Variants in CFAP44 observed in about 807,000 individuals in gnomAD.
The protein encoded by CFAP44 is cilia and flagella associated protein 44.
A neutral mutation model predicts 216.2 loss-of-function variants in CFAP44; 134 were observed. The observed-to-expected ratio is 0.62, with a 90% confidence interval of 0.54 to 0.72. CFAP44 has a LOEUF of 0.72. Ranked by LOEUF, CFAP44 falls within the 30% of genes least tolerant of loss-of-function variation. CFAP44 has a pLI of 0.00. For synonymous variants in CFAP44, 700 were observed against 727.6 expected (o/e 0.96, Z 0.61); for missense variants, 2,035 against 2,182.1 (o/e 0.93, Z 1.34).
chr3:113,332,347 T>C (rs751959447), intron 25 of CFAP44, among the ~76,000 whole-genome samples: 3 of 152,218 alleles, frequency 2.0e-5, no homozygotes, highest in Non-Finnish European at 1.5e-5. Context: ...GATTTGTGAA[T>C]ATGAATTGCC....
intron 17 of CFAP44, among the ~76,000 whole-genome samples, chr3:113,377,525 A>C (rs566852009): frequency 2.0e-5 from 3 of 152,338 alleles, no homozygotes; most frequent in South Asian, 2.1e-4. Flanking sequence ...TGCAAAAAAA[A>C]CCAGCACTTA....
At chr3:113,361,750 G>A (rs186840655) in intron 21 of CFAP44, among the ~76,000 whole-genome samples, 5 of 151,736 alleles carry the variant, frequency 3.3e-5, no homozygotes, top group East Asian at 3.9e-4. Context: ...CGCCCGCCTC[G>A]GCCTCCCAAA....
chr3:113,334,948 C>T lies in CFAP44; in HGVS notation c.3438-1365G>A, dbSNP rs1018021949. Among the ~76,000 whole-genome samples, 8 of 152,082 alleles carry T rather than the reference C, an allele frequency of 5.3e-5. No individual in the cohort carries two copies. In the South Asian group the frequency reaches 1.0e-3, roughly 20 times the overall value. ...TGTACACATAGCTCTCACAGGAAAC[C>T]CATACCATCTATTGTATTAACTGAT... On this transcript the variant is annotated intron_variant, in intron 24 of 34. Coordinates refer to ENST00000393845, the MANE Select transcript of CFAP44 (RefSeq NM_001164496.2).
At position 113,289,418 on chromosome 3, in the gene CFAP44, A is replaced by G. The variant is rs1206965733; in HGVS notation, c.*2139T>C. ...AGACTGTAGGTCCATTCTTGCTGCAATCAGAATCAGAATCTCAGAATGGGA... is the reference window on the plus strand; with the variant it reads ...AGACTGTAGGTCCATTCTTGCTGCAGTCAGAATCAGAATCTCAGAATGGGA... On this transcript the variant is annotated 3_prime_UTR_variant, in exon 35 of 35. Coordinates refer to ENST00000393845, the MANE Select transcript of CFAP44 (RefSeq NM_001164496.2). 2 of 152,194 alleles carry G rather than the reference A, an allele frequency of 1.3e-5. No homozygotes were observed. Among genetic ancestry groups the G allele is most frequent in the Non-Finnish European group, 2.9e-5 (2 of 68,034 alleles). The allele number at this position is 152,194 out of a possible 1,614,324, so 9.4% of individuals were successfully genotyped here.
chr3:113,332,603 C>T (rs1230920344), intron 25 of CFAP44, among the ~76,000 whole-genome samples: 2 of 152,012 alleles, frequency 1.3e-5, no homozygotes, highest in South Asian at 2.1e-4. Context: ...GACCTTTAAG[C>T]CTTTAAGTAT....
intron 3 of CFAP44, 65 bp from the exon 4 acceptor site, chr3:113,426,342 CTTGAA>C: frequency 6.5e-7 from 1 of 1,548,762 alleles, no homozygotes; most frequent in Non-Finnish European, 8.8e-7. Context: ...CAAATCTCAA[CTTGAA>C]TTGTAGTTCC....
Position 113,401,686 on chromosome 3 carries a change from CA to C in CFAP44, c.1223del (p.Leu408CysfsTer12). On this transcript the variant is annotated frameshift_variant, in exon 10 of 35. Coordinates refer to ENST00000393845, the MANE Select transcript of CFAP44 (RefSeq NM_001164496.2). LOFTEE classifies it high-confidence loss of function. ...GTTCATTAATAGGCTCAATCTCCAA[CA>C]ATCCAGTCTCATCTATTACATCAGC... ...DTADVIDETG[L>X]LEIEPINELQ... is the part of the protein sequence containing the mutation. 1 of 1,613,564 alleles carries C rather than the reference CA, an allele frequency of 6.2e-7. No individual in the cohort carries two copies.
At chr3:113,312,012 C>T (rs1346312624) in intron 28 of CFAP44, among the ~76,000 whole-genome samples, 1 of 151,322 alleles carries the variant, frequency 6.6e-6, no homozygotes, top group East Asian at 1.9e-4. Flanking sequence ...ACAAAACATT[C>T]AAGAAGTGAC....
intron 5 of CFAP44, among the ~76,000 whole-genome samples, chr3:113,418,515 C>T (rs572912965): frequency 6.6e-6 from 1 of 152,262 alleles, no homozygotes; most frequent in South Asian, 2.1e-4. Flanking sequence ...CATAGCCTTG[C>T]TAAAGTATTT....
At chr3:113,319,889 A>G (rs1266075803) in intron 28 of CFAP44, among the ~76,000 whole-genome samples, 2 of 152,212 alleles carry the variant, frequency 1.3e-5, no homozygotes, top group African/African-American at 4.8e-5. Context: ...AGATGGCATT[A>G]CAACTCATCC....
chr3:113,413,248 C>T (rs1332202618), intron 6 of CFAP44, among the ~76,000 whole-genome samples: 2 of 151,644 alleles, frequency 1.3e-5, no homozygotes, highest in East Asian at 3.9e-4. Flanking sequence ...TGTTTAAGTT[C>T]CTTGTAAATT....
chr3:113,398,814 G>A (rs1934060434), intron 13 of CFAP44, among the ~76,000 whole-genome samples: 1 of 152,148 alleles, frequency 6.6e-6, no homozygotes, highest in Non-Finnish European at 1.5e-5. Context: ...ATACTTCCAT[G>A]GCATTTTAAA....
At chr3:113,333,343 A>G (rs1356611336) in intron 25 of CFAP44, 63 bp downstream of exon 25, 9 of 1,406,670 alleles carry the variant, frequency 6.4e-6, no homozygotes, top group Non-Finnish European at 7.6e-6. Flanking sequence ...GAGTGGTTTT[A>G]GCAGAATTTA....
chr3:113,400,953 C>T (rs1934123891), intron 11 of CFAP44, among the ~76,000 whole-genome samples: 1 of 151,914 alleles, frequency 6.6e-6, no homozygotes, highest in Admixed American at 6.6e-5. Flanking sequence ...ATGAGGATCA[C>T]ATGAGATAAA....
At chr3:113,409,924 C>T (rs1934406497) in intron 6 of CFAP44, among the ~76,000 whole-genome samples, 2 of 152,284 alleles carry the variant, frequency 1.3e-5, no homozygotes, top group Non-Finnish European at 1.5e-5. Context: ...TTTATAAATA[C>T]CATGGCCACA....
At position 113,294,673 on chromosome 3, in the gene CFAP44, G is replaced by A. The variant is rs749288658; in HGVS notation, c.5373+14C>T. ...CCTCAATTCCGAAAAAGGGTCTGAAGGTAAAGAACATACCTGCTGATTCTG... is the reference window on the plus strand; with the variant it reads ...CCTCAATTCCGAAAAAGGGTCTGAAAGTAAAGAACATACCTGCTGATTCTG... On this transcript the variant is annotated intron_variant, in intron 34 of 34. Coordinates refer to ENST00000393845, the MANE Select transcript of CFAP44 (RefSeq NM_001164496.2). 1.0e-4 allele frequency: 153 copies of A among 1,507,988 alleles called. No individual in the cohort carries two copies. The Middle Eastern group carries it at 4.3e-3, about 43-fold the overall frequency. The allele number at this position is 1,507,988 out of a possible 1,614,324, so 93.4% of individuals were successfully genotyped here.
chr3:113,377,839 C>G lies in CFAP44; in HGVS notation c.2298+1467G>C, dbSNP rs540627078. ...GGCTAATGTTTTGTATTTTAGTAGA[C>G]ACAGGGTTTCACCATGTTGGCGAGA... On this transcript the variant is annotated intron_variant, in intron 17 of 34. Coordinates refer to ENST00000393845, the MANE Select transcript of CFAP44 (RefSeq NM_001164496.2). Among the ~76,000 whole-genome samples, 3 of 152,078 alleles carry G rather than the reference C, an allele frequency of 2.0e-5. No individual in the cohort carries two copies. The South Asian group carries it at 6.3e-4, about 32-fold the overall frequency.
chr3:113,403,575 G>T, intron 9 of CFAP44, among the ~76,000 whole-genome samples: 1 of 152,190 alleles, frequency 6.6e-6, no homozygotes, highest in Non-Finnish European at 1.5e-5. Context: ...TTCATCTTGT[G>T]CTAACATGAG....
Position 113,439,760 on chromosome 3 carries a change from G to A in CFAP44, c.-6+1693C>T, listed in dbSNP as rs555989145. Reference sequence around the variant, plus strand: ...GAAGGTTGGCTAGACGCCAGACAGAGTGCTGTCTAAGGTGACATTACTCTG... The same window carrying A: ...GAAGGTTGGCTAGACGCCAGACAGAATGCTGTCTAAGGTGACATTACTCTG... On this transcript the variant is annotated intron_variant, in intron 1 of 34. Transcript: ENST00000393845. Among the ~76,000 whole-genome samples the A allele has an allele frequency of 2.3e-3, 351 of 152,332 alleles. 1 individual carries two copies. The highest frequency in any genetic ancestry group is 0.017 in the Middle Eastern group (5 of 294).
Sources: allele counts gnomAD v4.1 joint callset (sites outside exome capture counted in the v4.1 genomes callset), GRCh38; gene constraint gnomAD v4.1.1; transcripts MANE v1.5; gene names NCBI Gene and HGNC (gene_info 2026-07-23, HGNC 2026-07-21).